Variants in DHX36 observed in about 807,000 individuals in gnomAD.
DHX36 encodes the protein ATP-dependent DNA/RNA helicase DHX36.
In DHX36, 50 loss-of-function variants were observed where a neutral mutation model predicts 139.0. That is an observed-to-expected ratio of 0.36 (90% CI 0.29 to 0.46). The LOEUF (loss-of-function observed/expected upper bound fraction) is 0.46, where lower values mean the gene tolerates loss of function less well. Ranked by LOEUF, DHX36 falls within the 20% of genes least tolerant of loss-of-function variation. The pLI, the probability that DHX36 is intolerant of heterozygous loss-of-function variation, is 1.00. For synonymous variants in DHX36, 425 were observed against 401.9 expected (o/e 1.06, Z -0.69); for missense variants, 1,024 against 1,211.3 (o/e 0.85, Z 2.29).
intron 10 of DHX36, 137 bp from the exon 11 acceptor site, chr3:154,300,833 T>C (rs958846220): frequency 4.7e-6 from 6 of 1,269,924 alleles, no homozygotes; most frequent in Non-Finnish European, 6.7e-6. Flanking sequence ...GGGTAATTAC[T>C]GCTTAAAAGT....
intron 12 of DHX36, among the ~76,000 whole-genome samples, chr3:154,296,249 C>T (rs1005360205): frequency 4.7e-4 from 71 of 152,140 alleles, no homozygotes; most frequent in African/African-American, 1.6e-3. Context: ...CCGAGGCGGG[C>T]GGATCACGAG....
In DHX36 at chr3:154,289,836, AAAAC is replaced by A; in HGVS notation, c.1815-14_1815-11del. The A allele has an allele frequency of 6.6e-7, 1 of 1,506,946 alleles. No homozygotes were observed. Among genetic ancestry groups the A allele is most frequent in the Non-Finnish European group, 9.1e-7 (1 of 1,103,002 alleles). 93.3% of individuals were successfully genotyped at this position (1,506,946 alleles called of 1,614,324 possible). A position where few individuals can be genotyped will look rare whatever the true frequency, so the allele number is the denominator to read the frequency against. ...ATGACCAGGTTGAACTCTTAAAAAA[AAAAC>A]AAAACAAAATGAAACAAAGAGGGAC... On this transcript the variant is annotated splice_polypyrimidine_tract_variant and intron_variant, in intron 15 of 24. Coordinates refer to ENST00000496811, the MANE Select transcript of DHX36 (RefSeq NM_020865.3).
intron 17 of DHX36, among the ~76,000 whole-genome samples, chr3:154,285,698 T>A (rs993343207): frequency 2.0e-5 from 3 of 152,080 alleles, no homozygotes; most frequent in Admixed American, 6.5e-5. Flanking sequence ...CAGTGCACAA[T>A]TAAAATAACT....
At chr3:154,284,102 T>A (rs1719424449) in intron 19 of DHX36, among the ~76,000 whole-genome samples, 1 of 152,178 alleles carries the variant, frequency 6.6e-6, no homozygotes, top group South Asian at 2.1e-4. Context: ...AAAAATGAAT[T>A]ATAACTTTTT....
chr3:154,296,453 G>A (rs976470082), intron 12 of DHX36, among the ~76,000 whole-genome samples: 3 of 152,050 alleles, frequency 2.0e-5, no homozygotes, highest in African/African-American at 4.8e-5. Context: ...CAGCCTAGGT[G>A]ACAGAGCGAG....
intron 1 of DHX36, among the ~76,000 whole-genome samples, chr3:154,322,495 G>C (rs1713230770): frequency 6.6e-6 from 1 of 152,218 alleles, no homozygotes; most frequent in African/African-American, 2.4e-5. Context: ...TAAGTGGTTA[G>C]ATTGGGATAT....
chr3:154,323,888 C>T (rs769579117), intron 1 of DHX36, among the ~76,000 whole-genome samples: 1 of 152,286 alleles, frequency 6.6e-6, no homozygotes, highest in Non-Finnish European at 1.5e-5. Flanking sequence ...AAGTTAATTT[C>T]GGTTGGAACG....
intron 14 of DHX36, among the ~76,000 whole-genome samples, chr3:154,293,289 C>T (rs1272173336): frequency 2.6e-5 from 4 of 152,126 alleles, no homozygotes; most frequent in African/African-American, 9.7e-5. Context: ...AAAAAACCCC[C>T]ACAAAACTGG....
At chr3:154,300,734 C>CTT (rs1559953361) in intron 10 of DHX36, 38 bp from the exon 11 acceptor site, 33 of 1,531,084 alleles carry the variant, frequency 2.2e-5, no homozygotes, top group Non-Finnish European at 2.9e-5. Context: ...AATACTTAAT[C>CTT]AAGTTTTCTG....
chr3:154,304,898 G>C lies in DHX36; in HGVS notation c.1043C>G (p.Thr348Ser). ...ERNLQSDVLM[T>S]VVKDLLNFRS... ...AAAATTGAGAAGGTCTTTAACAACA[G>C]TCATTAAAACATCTGACTGCAGATT... Residue 348 changes from threonine to serine, a missense_variant, in exon 8 of 25, where the codon ACT becomes AGT. Thr to Ser is a moderately conservative substitution (Grantham distance 58). Transcript: ENST00000496811. The C allele has an allele frequency of 6.2e-7, 1 of 1,612,980 alleles. No homozygotes were observed. The highest frequency in any genetic ancestry group is 8.5e-7 in the Non-Finnish European group (1 of 1,179,602).
chr3:154,288,552 T>C (rs965577515), intron 17 of DHX36, among the ~76,000 whole-genome samples: 1 of 152,174 alleles, frequency 6.6e-6, no homozygotes, highest in African/African-American at 2.4e-5. Context: ...CATATTTGTT[T>C]TACTCGCCAG....
At position 154,280,683 on chromosome 3, in the gene DHX36, G is replaced by A. The variant is rs1719306630; in HGVS notation, c.2477-14C>T. The A allele has an allele frequency of 3.1e-6, 5 of 1,609,240 alleles. No homozygotes were observed. Among genetic ancestry groups the A allele is most frequent in the Non-Finnish European group, 4.3e-6 (5 of 1,176,190 alleles). On this transcript the variant is annotated splice_polypyrimidine_tract_variant and intron_variant, in intron 21 of 24. Coordinates refer to ENST00000496811, the MANE Select transcript of DHX36 (RefSeq NM_020865.3). ...TCTTCTCATTATCTATGGGGGGTGAGAAGGTAGAGGGGAAAAGAAAAGTAA... is the reference window on the plus strand; with the variant it reads ...TCTTCTCATTATCTATGGGGGGTGAAAAGGTAGAGGGGAAAAGAAAAGTAA...
intron 20 of DHX36, among the ~76,000 whole-genome samples, chr3:154,281,450 T>C (rs956449438): frequency 6.6e-6 from 1 of 151,948 alleles, no homozygotes; most frequent in African/African-American, 2.4e-5. Context: ...CAATACTCAG[T>C]CTTCTAAATA....
intron 12 of DHX36, among the ~76,000 whole-genome samples, chr3:154,299,538 G>A (rs963238556): frequency 1.3e-5 from 2 of 152,058 alleles, no homozygotes; most frequent in African/African-American, 4.8e-5. Context: ...TCTTAAAGAA[G>A]CTCCATGGGT....
chr3:154,277,014 CTTCT>C (rs1201958690), intron 23 of DHX36, 115 bp from the exon 24 acceptor site: 2 of 875,864 alleles, frequency 2.3e-6, no homozygotes, highest in Non-Finnish European at 1.7e-6. Context: ...AAATATTAAC[CTTCT>C]ATTGTAATTA....
At chr3:154,297,168 C>T (rs1176661982) in intron 12 of DHX36, among the ~76,000 whole-genome samples, 1 of 152,092 alleles carries the variant, frequency 6.6e-6, no homozygotes, top group East Asian at 1.9e-4. Flanking sequence ...GATGTTGACA[C>T]TTTCTATAGT....
chr3:154,308,111 G>C (rs186548161), intron 5 of DHX36, among the ~76,000 whole-genome samples: 1 of 152,246 alleles, frequency 6.6e-6, no homozygotes, highest in Admixed American at 6.5e-5. Flanking sequence ...ATTACTTAAT[G>C]GGTACAATGT....
chr3:154,290,863 G>A (rs759193331), intron 15 of DHX36, among the ~76,000 whole-genome samples: 38 of 151,114 alleles, frequency 2.5e-4, no homozygotes, highest in African/African-American at 4.1e-4. Flanking sequence ...GGCCGGGCGC[G>A]GTGGCTCACG....
At chr3:154,312,144 G>A (rs937689187) in intron 3 of DHX36, 2 of 152,224 alleles carry the variant, frequency 1.3e-5, no homozygotes, top group African/African-American at 4.8e-5. Flanking sequence ...AATATCTGCA[G>A]TCAGAAAATC....
Sources: gnomAD v4.1 joint callset for allele counts (sites outside exome capture counted in the v4.1 genomes callset) on GRCh38, gnomAD v4.1.1 for gene constraint, MANE v1.5 for transcripts, NCBI Gene and HGNC (gene_info 2026-07-23, HGNC 2026-07-21) for gene names.